ANO2: variants seen among roughly 807,000 people sequenced by gnomAD.
ANO2 encodes anoctamin 2.
A neutral mutation model predicts 124.2 loss-of-function variants in ANO2; 101 were observed. The ratio of observed to expected loss-of-function variants is 0.81; its 90% CI spans 0.69 to 0.96. The LOEUF (loss-of-function observed/expected upper bound fraction) is 0.96. Ranked by LOEUF, ANO2 falls within the 40% of genes least tolerant of loss-of-function variation. The probability of loss-of-function intolerance (pLI) is 0.00; values close to 1 mark genes in which losing one functional copy is unlikely to be tolerated. For synonymous variants in ANO2, 486 were observed against 482.5 expected (o/e 1.01, Z -0.09); for missense variants, 1,293 against 1,274.5 (o/e 1.01, Z -0.22).
At chr12:5,873,715 C>T (rs1187474962) in intron 3 of ANO2, among the ~76,000 whole-genome samples, 1 of 152,240 alleles carries the variant, frequency 6.6e-6, no homozygotes, top group African/African-American at 2.4e-5. Flanking sequence ...CGACTGAATC[C>T]TCCCTGAGCT....
intron 10 of ANO2, among the ~76,000 whole-genome samples, chr12:5,798,595 A>C (rs1952943857): frequency 6.6e-6 from 1 of 152,172 alleles, no homozygotes; most frequent in Non-Finnish European, 1.5e-5. Flanking sequence ...CACCATGTCC[A>C]CCATGGAGCA....
intron 14 of ANO2, among the ~76,000 whole-genome samples, chr12:5,672,752 C>G (rs192907847): frequency 1.3e-5 from 2 of 152,228 alleles, no homozygotes; most frequent in African/African-American, 2.4e-5. Context: ...CCACCCCAGG[C>G]AAGAGTCTAG....
chr12:5,739,815 C>T, intron 12 of ANO2: 1 of 452,320 alleles, frequency 2.2e-6, no homozygotes, highest in Non-Finnish European at 4.4e-6. Context: ...TTTTTCCCTA[C>T]ATTTCTTTCT....
chr12:5,695,670 A>G (rs414326), intron 14 of ANO2, among the ~76,000 whole-genome samples: 133,885 of 152,064 alleles, frequency 0.88, 59,052 homozygotes, highest in East Asian at 0.95. Context: ...GCAAAACCCC[A>G]TCTCTACTAA....
intron 7 of ANO2, among the ~76,000 whole-genome samples, chr12:5,819,047 T>C (rs915990318): frequency 6.6e-6 from 1 of 152,222 alleles, no homozygotes; most frequent in Non-Finnish European, 1.5e-5. Context: ...TGCGAGTGGC[T>C]GACCTGCAGT....
At chr12:5,697,989 C>G (rs921560994) in intron 14 of ANO2, among the ~76,000 whole-genome samples, 3 of 152,220 alleles carry the variant, frequency 2.0e-5, no homozygotes, top group Non-Finnish European at 4.4e-5. Flanking sequence ...CACCACAGCT[C>G]AAGGAGGCCT....
intron 10 of ANO2, among the ~76,000 whole-genome samples, chr12:5,772,318 T>A (rs1031274500): frequency 1.3e-5 from 2 of 152,232 alleles, no homozygotes; most frequent in Non-Finnish European, 2.9e-5. Context: ...ATCAATTACA[T>A]CCGACTGGCT....
chr12:5,694,251 C>CAGACAGAGAGAGAGAGAGAGAG (rs1555137018), intron 14 of ANO2, among the ~76,000 whole-genome samples: 90 of 133,958 alleles, frequency 6.7e-4, no homozygotes, highest in African/African-American at 2.4e-3. Context: ...TTACCAGAGA[C>CAGACAGAGAGAGAGAGAGAGAG]AGAGAGAGAG....
intron 14 of ANO2, among the ~76,000 whole-genome samples, chr12:5,702,066 T>C (rs1256315464): frequency 1.3e-5 from 2 of 152,254 alleles, no homozygotes; most frequent in Non-Finnish European, 2.9e-5. Context: ...TTAAAGAATG[T>C]GATTTTTATA....
Position 5,877,528 on chromosome 12 carries a change from G to A in ANO2, c.535-23387C>T, listed in dbSNP as rs147756734. On this transcript the variant is annotated intron_variant, in intron 3 of 24. Transcript: ENST00000682330. Reference sequence around the variant, plus strand: ...TGGCTAGAAGAACATAACATGAGGGGCCCAGGCTGGGCTCACATCCCCAGC... The same window carrying A: ...TGGCTAGAAGAACATAACATGAGGGACCCAGGCTGGGCTCACATCCCCAGC... Among the ~76,000 whole-genome samples the A allele has an allele frequency of 2.6e-3, 389 of 152,286 alleles. 1 individual carries two copies. The highest frequency in any genetic ancestry group is 4.5e-3 in the Non-Finnish European group (306 of 68,020).
chr12:5,945,315 C>A (rs1057253936), upstream of ANO2: 3 of 1,056,962 alleles, frequency 2.8e-6, no homozygotes, highest in South Asian at 7.3e-5. Context: ...TCCGTCCCGG[C>A]GCGCCCGCCC....
chr12:5,767,361 T>C (rs191546460), intron 10 of ANO2, among the ~76,000 whole-genome samples: 159 of 152,192 alleles, frequency 1.0e-3, no homozygotes, highest in Admixed American at 1.5e-3. Flanking sequence ...ACAGCAAAAG[T>C]CTCTCCTTGG....
Position 5,599,568 on chromosome 12 carries a change from CAG to C in ANO2, c.2147_2148del (p.Ser716CysfsTer56), listed in dbSNP as rs757434909. 9.3e-6 allele frequency: 15 copies of C among 1,613,794 alleles called. No individual in the cohort carries two copies. Among genetic ancestry groups the C allele is most frequent in the Non-Finnish European group, 1.3e-5 (15 of 1,179,874 alleles). ...CACTGCTCTGGATGTTTCGAATGGG[CAG>C]AGTCAGTTTCTCCAGCTTCGGTCTC... ...KDETEAGETD[S>X]AHSKHPEQWD... On this transcript the variant is annotated frameshift_variant, in exon 20 of 25. Coordinates refer to ENST00000682330, the MANE Select transcript of ANO2 (RefSeq NM_001364791.2). LOFTEE classifies it high-confidence loss of function.
chr12:5,728,664 A>G (rs1489126478), intron 14 of ANO2, among the ~76,000 whole-genome samples: 1 of 152,210 alleles, frequency 6.6e-6, no homozygotes, highest in African/African-American at 2.4e-5. Flanking sequence ...ATGGAAATGC[A>G]AAACACCCAG....
At chr12:5,931,781 T>A (rs1197966979) in intron 1 of ANO2, among the ~76,000 whole-genome samples, 18 of 125,276 alleles carry the variant, frequency 1.4e-4, no homozygotes, top group Middle Eastern at 4.6e-3. Context: ...AAGTGACTAA[T>A]AAGGAAAGAA....
At chr12:5,933,485 G>A (rs555045354) in intron 1 of ANO2, among the ~76,000 whole-genome samples, 52 of 152,322 alleles carry the variant, frequency 3.4e-4, no homozygotes, top group African/African-American at 1.2e-3. Flanking sequence ...CCAGGAGAAG[G>A]ATGGATAAAT....
intron 10 of ANO2, among the ~76,000 whole-genome samples, chr12:5,775,933 C>T (rs1952221235): frequency 6.6e-6 from 1 of 152,176 alleles, no homozygotes; most frequent in Non-Finnish European, 1.5e-5. Flanking sequence ...GACACAAAAG[C>T]AGCTCTAAAA....
At chr12:5,684,772 C>A (rs1315419478) in intron 14 of ANO2, among the ~76,000 whole-genome samples, 1 of 152,174 alleles carries the variant, frequency 6.6e-6, no homozygotes, top group Non-Finnish European at 1.5e-5. Context: ...CTTGAGAATG[C>A]AGCCCACATT....
At chr12:5,586,725 G>A (rs892024139) in intron 20 of ANO2, among the ~76,000 whole-genome samples, 1 of 152,132 alleles carries the variant, frequency 6.6e-6, no homozygotes, top group African/African-American at 2.4e-5. Context: ...TGTCAGGCAG[G>A]GAACTCAGTA....
Sources: allele counts gnomAD v4.1 joint callset (sites outside exome capture counted in the v4.1 genomes callset), GRCh38; gene constraint gnomAD v4.1.1; transcripts MANE v1.5; gene names NCBI Gene and HGNC (gene_info 2026-07-23, HGNC 2026-07-21).